GNL2: variants seen among roughly 807,000 people sequenced by gnomAD.
GNL2 encodes G protein nucleolar 2.
GNL2 carries 51 observed loss-of-function variants against 92.3 expected under a neutral mutation model. That is an observed-to-expected ratio of 0.55 (90% confidence interval 0.44 to 0.70). The LOEUF is 0.70. Among genes scored for constraint, GNL2 ranks in the 30% least tolerant of loss-of-function variants. The pLI is 0.00. For missense variants in GNL2, 844 were observed against 895.6 expected (o/e 0.94, Z 0.74); for synonymous variants, 283 against 300.6 (o/e 0.94, Z 0.61).
intron 5 of GNL2, 55 bp downstream of exon 5, chr1:37,587,256 G>T (rs1305267017): frequency 8.4e-6 from 11 of 1,306,256 alleles, no homozygotes; most frequent in South Asian, 5.5e-5. Context: ...GACAAAGCAA[G>T]ACTCCATCTC....
chr1:37,576,595 A>C, intron 8 of GNL2, 39 bp from the exon 9 acceptor site: 1 of 1,597,100 alleles, frequency 6.3e-7, no homozygotes, highest in East Asian at 2.2e-5. Context: ...ACATGCAGTC[A>C]TATATATCCC....
intron 8 of GNL2, among the ~76,000 whole-genome samples, chr1:37,577,060 C>G (rs1643689126): frequency 6.7e-6 from 1 of 149,498 alleles, no homozygotes; most frequent in Admixed American, 6.7e-5. Context: ...TGCAGGGAAC[C>G]AAGATCATGC....
At chr1:37,571,169 T>C (rs1428462017) in intron 12 of GNL2, among the ~76,000 whole-genome samples, 2 of 151,990 alleles carry the variant, frequency 1.3e-5, no homozygotes, top group East Asian at 3.9e-4. Flanking sequence ...CTCCAAAGGG[T>C]TGACAAGAAG....
intron 1 of GNL2, among the ~76,000 whole-genome samples, chr1:37,594,775 G>A (rs1236781407): frequency 6.6e-6 from 1 of 152,088 alleles, no homozygotes; most frequent in Non-Finnish European, 1.5e-5. Context: ...TCCTGACCTC[G>A]GGTGATCCGA....
intron 2 of GNL2, 89 bp downstream of exon 2, chr1:37,593,673 G>A: frequency 1.2e-6 from 1 of 802,426 alleles, no homozygotes; most frequent in Non-Finnish European, 2.1e-6. Context: ...GGAGGAAGTG[G>A]GGGTGAGAAC....
chr1:37,579,055 C>CA (rs1188544316), intron 8 of GNL2, among the ~76,000 whole-genome samples: 2 of 151,864 alleles, frequency 1.3e-5, no homozygotes, highest in Middle Eastern at 3.4e-3. Flanking sequence ...GCAGAAAACA[C>CA]AAAAAAACCC....
chr1:37,587,926 TC>T (rs1220568658), intron 4 of GNL2, among the ~76,000 whole-genome samples: 1 of 152,178 alleles, frequency 6.6e-6, no homozygotes, highest in Non-Finnish European at 1.5e-5. Context: ...TCAAGGACAA[TC>T]ATACTCAAAT....
chr1:37,593,690 G>A (rs2148146167), intron 2 of GNL2, 72 bp downstream of exon 2: 1 of 1,020,008 alleles, frequency 9.8e-7, no homozygotes, highest in Non-Finnish European at 1.5e-6. Context: ...GAACAGCAAA[G>A]GCTTCATCAG....
chr1:37,588,096 G>C (rs1441789490), intron 4 of GNL2, among the ~76,000 whole-genome samples: 1 of 152,122 alleles, frequency 6.6e-6, no homozygotes, highest in African/African-American at 2.4e-5. Context: ...CACATGGCAA[G>C]TCTTCGGATG....
In GNL2 at chr1:37,574,827, A is replaced by C; in HGVS notation, c.1144-4T>G. On this transcript the variant is annotated splice_polypyrimidine_tract_variant and splice_region_variant and intron_variant, in intron 10 of 15. Transcript: ENST00000373062. ...TCTTAATTTTTTCTACTTGAACCTA[A>C]ATGTTAATAGGAAATCTCTCACTTA... The C allele has an allele frequency of 6.2e-7, 1 of 1,603,926 alleles. No homozygotes were observed. Among genetic ancestry groups the C allele is most frequent in the Non-Finnish European group, 8.5e-7 (1 of 1,172,236 alleles).
intron 12 of GNL2, 184 bp from the exon 13 acceptor site, chr1:37,569,486 G>A (rs190583529): frequency 2.4e-4 from 137 of 575,434 alleles, no homozygotes; most frequent in African/African-American, 1.8e-3. Context: ...CCAGAGATCA[G>A]TACTAGGATC....
Position 37,569,155 on chromosome 1 carries a change from T to C in GNL2, c.1564A>G (p.Met522Val). 5 of 1,614,186 alleles carry C rather than the reference T, an allele frequency of 3.1e-6. No individual in the cohort carries two copies. Among genetic ancestry groups the C allele is most frequent in the Non-Finnish European group, 4.2e-6 (5 of 1,180,026 alleles). ...CGAACTCGTGTGAGAATCTGCTGCA[T>C]CTCTGTGTTAGCATCACAGTGACTG... ...ENSHCDANTE[M>V]QQILTRVRQN... The change falls in exon 13 of 16, where the codon ATG (methionine) becomes GTG (valine). Residue 522 changes from methionine (M) to valine (V), a missense_variant. Met to Val is a conservative substitution (Grantham distance 21). Transcript: ENST00000373062.
Position 37,574,747 on chromosome 1 carries a change from C to T in GNL2, c.1220G>A (p.Ser407Asn). Residue 407 changes from serine to asparagine, a missense_variant, in exon 11 of 16, where the codon AGC becomes AAC. By Grantham distance (46) the Ser-to-Asn change is conservative. Transcript: ENST00000373062. ...CCAAGAATCAATCTTGTATGTTTTG[C>T]TGATATATTCTGGCTTTGCTCGTTC... ...VLERAKPEYI[S>N]KTYKIDSWEN... The T allele has an allele frequency of 6.2e-7, 1 of 1,613,436 alleles. No individual in the cohort carries two copies. The highest frequency in any genetic ancestry group is 8.5e-7 in the Non-Finnish European group (1 of 1,179,358).
rs1405643252 is a variant in GNL2, at chr1:37,582,906, C to T, written c.667G>A (p.Val223Ile). Residue 223 changes from valine to isoleucine, a missense_variant, in exon 7 of 16, where the codon GTT becomes ATT. Transcript: ENST00000373062. The part of the protein sequence containing the change: ...VIDSSDVVVQ[V>I]LDARDPMGTR... ...CCCATTGGATCTCTAGCATCAAGAACTTGAACTACAACATCTGATGAATCT... is the reference window on the plus strand; with the variant it reads ...CCCATTGGATCTCTAGCATCAAGAATTTGAACTACAACATCTGATGAATCT... The T allele has an allele frequency of 6.2e-7, 1 of 1,612,890 alleles. No individual in the cohort carries two copies. The highest frequency in any genetic ancestry group is 1.1e-5 in the South Asian group (1 of 90,948).
In GNL2 at chr1:37,574,646, C is replaced by G; in HGVS notation, c.1302+19G>C. Reference sequence around the variant, plus strand: ...CTTGTGACAAGTATCAGTCTAAATTCTCACAAACGCCGGGTCACCTTTAGT... The same window carrying G: ...CTTGTGACAAGTATCAGTCTAAATTGTCACAAACGCCGGGTCACCTTTAGT... On this transcript the variant is annotated intron_variant, in intron 11 of 15. Transcript: ENST00000373062. 6.2e-7 allele frequency: 1 copy of G among 1,611,392 alleles called. No individual in the cohort carries two copies. The highest frequency in any genetic ancestry group is 8.5e-7 in the Non-Finnish European group (1 of 1,177,944).
intron 5 of GNL2, among the ~76,000 whole-genome samples, chr1:37,587,059 G>A (rs1049925320): frequency 6.6e-6 from 1 of 152,140 alleles, no homozygotes; most frequent in Non-Finnish European, 1.5e-5. Flanking sequence ...CTGAGCTCAC[G>A]AGTTCAAGAC....
intron 4 of GNL2, 113 bp downstream of exon 4, chr1:37,590,593 G>A: frequency 1.2e-6 from 1 of 833,962 alleles, no homozygotes; most frequent in Non-Finnish European, 2.0e-6. Flanking sequence ...GTTCATCATT[G>A]CTACATTAAA....
intron 6 of GNL2, chr1:37,583,202 T>C (rs553963925): frequency 5.8e-5 from 15 of 259,660 alleles, no homozygotes; most frequent in East Asian, 7.1e-5. Context: ...CTATGGATTA[T>C]TGAACTAAAT....
intron 4 of GNL2, among the ~76,000 whole-genome samples, chr1:37,590,027 G>A (rs990772226): frequency 1.3e-5 from 2 of 152,208 alleles, no homozygotes; most frequent in Non-Finnish European, 2.9e-5. Context: ...TTATTAGGTG[G>A]TGTGCTATGT....
Sources: gnomAD v4.1 joint callset for allele counts (sites outside exome capture counted in the v4.1 genomes callset) on GRCh38, gnomAD v4.1.1 for gene constraint, MANE v1.5 for transcripts, NCBI Gene and HGNC (gene_info 2026-07-23, HGNC 2026-07-21) for gene names.